Variants in ANK1 observed in about 807,000 individuals in gnomAD.
ANK1 encodes ankyrin 1.
A neutral mutation model predicts 210.4 loss-of-function variants in ANK1; 51 were observed. The observed-to-expected ratio is 0.24, with a 90% confidence interval of 0.19 to 0.31. The LOEUF is 0.31. Ranked by LOEUF, ANK1 falls within the 10% of genes least tolerant of loss-of-function variation. The pLI is 1.00. For synonymous variants in ANK1, 967 were observed against 1,025.9 expected (o/e 0.94, Z 1.10); for missense variants, 2,051 against 2,504.4 (o/e 0.82, Z 3.86).
At chr8:41,779,469 G>A (rs2150744922) in intron 1 of ANK1, among the ~76,000 whole-genome samples, 1 of 151,984 alleles carries the variant, frequency 6.6e-6, no homozygotes, top group South Asian at 2.1e-4. Flanking sequence ...GCCTAGGATG[G>A]TCTCAAACTC....
intron 1 of ANK1, among the ~76,000 whole-genome samples, chr8:41,843,414 G>A (rs1211960005): frequency 1.7e-4 from 8 of 45,910 alleles, no homozygotes; most frequent in Non-Finnish European, 3.3e-4. Flanking sequence ...CCCACTCCCC[G>A]CCCACCCCAC....
intron 2 of ANK1, among the ~76,000 whole-genome samples, chr8:41,752,926 G>A (rs947410436): frequency 2.0e-5 from 3 of 152,058 alleles, no homozygotes; most frequent in Non-Finnish European, 4.4e-5. Flanking sequence ...CTCTATGCTC[G>A]GGAGAAAGAC....
intron 1 of ANK1, among the ~76,000 whole-genome samples, chr8:41,871,076 C>A (rs1166121942): frequency 6.6e-6 from 1 of 152,186 alleles, no homozygotes; most frequent in Non-Finnish European, 1.5e-5. Context: ...CCCTCACGGG[C>A]CACACCTTTG....
intron 1 of ANK1, among the ~76,000 whole-genome samples, chr8:41,858,361 AAAG>A (rs1812607930): frequency 1.3e-5 from 2 of 151,718 alleles, no homozygotes; most frequent in Non-Finnish European, 2.9e-5. Flanking sequence ...AAAAAAAAAA[AAAG>A]AAGAAGAAAA....
chr8:41,827,923 TACAC>T (rs959874501), intron 1 of ANK1, among the ~76,000 whole-genome samples: 13 of 151,520 alleles, frequency 8.6e-5, no homozygotes, highest in East Asian at 3.9e-4. Flanking sequence ...CACACCCACA[TACAC>T]ACACGCACTC....
At chr8:41,664,996 C>T (rs759455204) in intron 39 of ANK1, 4 of 1,613,954 alleles carry the variant, frequency 2.5e-6, no homozygotes, top group Middle Eastern at 1.6e-4. Flanking sequence ...ACCAGCGTGA[C>T]CAACAGCTGG....
chr8:41,870,376 T>C (rs1815242003), intron 1 of ANK1, among the ~76,000 whole-genome samples: 1 of 152,152 alleles, frequency 6.6e-6, no homozygotes, highest in Non-Finnish European at 1.5e-5. Flanking sequence ...CATTCACTCG[T>C]GTTCATTCAT....
intron 20 of ANK1, among the ~76,000 whole-genome samples, 193 bp downstream of exon 20, chr8:41,703,848 G>A (rs575192090): frequency 1.1e-3 from 174 of 152,160 alleles, no homozygotes; most frequent in South Asian, 8.7e-3. Flanking sequence ...AAAGGAAAAC[G>A]ATCAATTCAC....
chr8:41,698,962 A>ATTTTTT (rs199732230), intron 23 of ANK1, among the ~76,000 whole-genome samples: 41 of 151,470 alleles, frequency 2.7e-4, no homozygotes, highest in African/African-American at 8.3e-4. Context: ...ACGCTCAGCT[A>ATTTTTT]TTTTTTTTGT....
chr8:41,851,887 A>G (rs1230138356), intron 1 of ANK1, among the ~76,000 whole-genome samples: 1 of 152,090 alleles, frequency 6.6e-6, no homozygotes, highest in East Asian at 1.9e-4. Flanking sequence ...GGCTAAGCAC[A>G]AGTGTGTTAA....
At position 41,684,589 on chromosome 8, in the gene ANK1, G is replaced by C; in HGVS notation, c.4492C>G (p.Arg1498Gly). ...AGCGAGTAGTCGCGGTCGGTGTGCC[G>C]CCTGTCTGGCTTCAAGTTGCGGCTC... is the stretch of plus-strand genomic sequence containing the variant. ...RQSRNLKPDR[R>G]HTDRDYSLSP... Residue 1498 changes from arginine to glycine, a missense_variant, in exon 37 of 43, where the codon CGG becomes GGG. Transcript: ENST00000289734. The C allele has an allele frequency of 1.2e-6, 2 of 1,613,666 alleles. No individual in the cohort carries two copies. The highest frequency in any genetic ancestry group is 1.1e-5 in the South Asian group (1 of 91,090).
At chr8:41,798,533 C>T (rs969675089), upstream of ANK1, among the ~76,000 whole-genome samples, 2 of 152,198 alleles carry the variant, frequency 1.3e-5, no homozygotes, top group Non-Finnish European at 2.9e-5. Context: ...TAGGAAGCCG[C>T]CTTTTGCAAC....
At position 41,695,164 on chromosome 8, in the gene ANK1, C is replaced by G. The variant is rs187334145; in HGVS notation, c.3115+13G>C. On this transcript the variant is annotated intron_variant, in intron 27 of 42. Transcript: ENST00000289734. The stretch of plus-strand genomic sequence containing the variant: ...CAAGGAGGGGACCCAGCCCTGGGAT[C>G]CCCCGCCCCTACCTTCGTCCATCCC... The G allele has an allele frequency of 8.0e-5, 129 of 1,613,990 alleles. No homozygotes were observed. The highest frequency in any genetic ancestry group is 1.8e-4 in the Admixed American group (11 of 60,030).
intron 1 of ANK1, among the ~76,000 whole-genome samples, chr8:41,859,494 A>T (rs1183500823): frequency 6.6e-6 from 1 of 152,184 alleles, no homozygotes; most frequent in African/African-American, 2.4e-5. Context: ...TCACAGGCAC[A>T]CACAACCACG....
At chr8:41,713,196 C>T (rs1012950231) in intron 16 of ANK1, among the ~76,000 whole-genome samples, 2 of 152,236 alleles carry the variant, frequency 1.3e-5, no homozygotes, top group Non-Finnish European at 2.9e-5. Flanking sequence ...TGCCACATGA[C>T]GGATCTCCCA....
intron 37 of ANK1, among the ~76,000 whole-genome samples, chr8:41,678,739 T>C (rs962371811): frequency 6.6e-6 from 1 of 152,266 alleles, no homozygotes; most frequent in African/African-American, 2.4e-5. Flanking sequence ...ATACCTGAAA[T>C]ACAGTTACAA....
At chr8:41,799,443 T>C (rs1196563740), upstream of ANK1, among the ~76,000 whole-genome samples, 1 of 151,684 alleles carries the variant, frequency 6.6e-6, no homozygotes. Context: ...CCAGCAGGAG[T>C]GACGAAAGCT....
rs570528490 is a variant in ANK1, at chr8:41,663,892, G to A, written c.5395-150C>T. The A allele has an allele frequency of 8.6e-5, 62 of 721,524 alleles. 1 individual carries two copies. Among genetic ancestry groups the A allele is most frequent in the Non-Finnish European group, 2.5e-5 (10 of 403,988 alleles). The allele number at this position is 721,524 out of a possible 1,614,324, so 44.7% of individuals were successfully genotyped here. A position where few individuals can be genotyped will look rare whatever the true frequency, so the allele number is the denominator to read the frequency against. On this transcript the variant is annotated intron_variant, in intron 39 of 42. Coordinates refer to ENST00000289734, the MANE Select transcript of ANK1 (RefSeq NM_000037.4). ...AAACCCGGCTCAGCATGTAGCAGGA[G>A]CCATGCCAGGGCTCCCAGGGCGTGG... is the stretch of plus-strand genomic sequence containing the variant.
intron 1 of ANK1, among the ~76,000 whole-genome samples, chr8:41,850,699 C>T (rs1323063578): frequency 6.6e-6 from 1 of 152,228 alleles, no homozygotes; most frequent in East Asian, 1.9e-4. Context: ...CCAGGCTGGT[C>T]TCAAACTCCT....
Sources: allele counts gnomAD v4.1 joint callset (sites outside exome capture counted in the v4.1 genomes callset), GRCh38; gene constraint gnomAD v4.1.1; transcripts MANE v1.5; gene names NCBI Gene and HGNC (gene_info 2026-07-23, HGNC 2026-07-21).